Variants in FRMPD2 observed in about 807,000 individuals in gnomAD.
FRMPD2 encodes the protein FERM and PDZ domain containing 2.
A neutral mutation model predicts 140.1 loss-of-function variants in FRMPD2; 96 were observed. The observed-to-expected ratio is 0.69, with a 90% CI of 0.58 to 0.81. The LOEUF is 0.81. FRMPD2 is among the 40% of genes least tolerant of loss of function. The pLI, the probability that FRMPD2 is intolerant of heterozygous loss-of-function variation, is 0.00. For synonymous variants in FRMPD2, 449 were observed against 547.6 expected (o/e 0.82, Z 2.52); for missense variants, 1,240 against 1,447.4 (o/e 0.86, Z 2.32).
At chr10:48,234,715 C>T (rs1182513199) in intron 9 of FRMPD2, among the ~76,000 whole-genome samples, 1 of 152,044 alleles carries the variant, frequency 6.6e-6, no homozygotes, top group Non-Finnish European at 1.5e-5. Context: ...ACCCTCATAC[C>T]CTTCTTGCAT....
At chr10:48,245,861 A>G (rs1355039813) in intron 3 of FRMPD2, among the ~76,000 whole-genome samples, 1 of 152,244 alleles carries the variant, frequency 6.6e-6, no homozygotes, top group Non-Finnish European at 1.5e-5. Flanking sequence ...GGAAACAATG[A>G]GGTAATGAAA....
chr10:48,263,301 A>G (rs1840625933), intron 1 of FRMPD2, among the ~76,000 whole-genome samples: 1 of 152,216 alleles, frequency 6.6e-6, no homozygotes, highest in African/African-American at 2.4e-5. Context: ...AAGAAAGCAA[A>G]TAATAACAAA....
chr10:48,231,339 T>G (rs867302619), intron 10 of FRMPD2, among the ~76,000 whole-genome samples: 11 of 152,184 alleles, frequency 7.2e-5, no homozygotes, highest in African/African-American at 2.4e-4. Flanking sequence ...CACAGCTTGC[T>G]ACATGAGTCA....
At chr10:48,202,083 T>C (rs963681731) in intron 14 of FRMPD2, among the ~76,000 whole-genome samples, 2 of 152,112 alleles carry the variant, frequency 1.3e-5, no homozygotes, top group Non-Finnish European at 2.9e-5. Flanking sequence ...AGATGACCTA[T>C]ATGAGGCTAC....
intron 1 of FRMPD2, among the ~76,000 whole-genome samples, chr10:48,262,845 G>T (rs1383578845): frequency 6.6e-6 from 1 of 152,010 alleles, no homozygotes; most frequent in Non-Finnish European, 1.5e-5. Context: ...TGCAATCTTG[G>T]CTCACTAGTA....
chr10:48,224,235 C>T (rs368084296), intron 10 of FRMPD2, among the ~76,000 whole-genome samples: 10 of 152,126 alleles, frequency 6.6e-5, no homozygotes, highest in African/African-American at 1.9e-4. Flanking sequence ...AAAGCTCAAC[C>T]CCTCCAGTGC....
chr10:48,193,828 T>C (rs1838894657), intron 15 of FRMPD2, among the ~76,000 whole-genome samples: 1 of 152,180 alleles, frequency 6.6e-6, no homozygotes, highest in Admixed American at 6.5e-5. Context: ...TGGGCATATA[T>C]TTCTTCAAAC....
intron 1 of FRMPD2, among the ~76,000 whole-genome samples, chr10:48,262,344 A>G (rs1362444087): frequency 2.6e-5 from 4 of 152,236 alleles, no homozygotes; most frequent in Admixed American, 1.3e-4. Flanking sequence ...TGGAGTAACC[A>G]TCTTAACTTC....
intron 22 of FRMPD2, 196 bp from the exon 23 acceptor site, chr10:48,176,135 C>G (rs1384480231): frequency 1.8e-6 from 1 of 556,558 alleles, no homozygotes; most frequent in African/African-American, 1.9e-5. Context: ...TGTTCATAAG[C>G]TTAACAATAG....
At chr10:48,232,525 C>T (rs1168488994) in intron 9 of FRMPD2, among the ~76,000 whole-genome samples, 2 of 152,180 alleles carry the variant, frequency 1.3e-5, no homozygotes, top group Non-Finnish European at 2.9e-5. Flanking sequence ...AAATCTGAGC[C>T]TTCTGCCAGG....
chr10:48,271,533 C>T lies in FRMPD2; in HGVS notation c.25+3010G>A, dbSNP rs142849292. Among the ~76,000 whole-genome samples, 99 of 152,318 alleles carry T rather than the reference C, an allele frequency of 6.5e-4. No homozygotes were observed. The East Asian group carries it at 0.017, about 26-fold the overall frequency. On this transcript the variant is annotated intron_variant, in intron 1 of 28. Transcript: ENST00000374201. Reference sequence around the variant, plus strand: ...ACTGGTTCCTGTGCACCATCCTACACATCTCCTTCCTGCCTCCCTTCACTA... The same window carrying T: ...ACTGGTTCCTGTGCACCATCCTACATATCTCCTTCCTGCCTCCCTTCACTA...
At chr10:48,197,396 A>G (rs367891539) in intron 15 of FRMPD2, among the ~76,000 whole-genome samples, 1 of 152,172 alleles carries the variant, frequency 6.6e-6, no homozygotes, top group African/African-American at 2.4e-5. Context: ...GTGTGCTCCA[A>G]TGAGGACACT....
chr10:48,200,343 G>C (rs746169146), intron 15 of FRMPD2, among the ~76,000 whole-genome samples: 13 of 152,050 alleles, frequency 8.5e-5, no homozygotes, highest in Non-Finnish European at 1.6e-4. Flanking sequence ...TCGAATCAGG[G>C]CTCAGCTGTA....
chr10:48,248,595 A>T (rs1840306087), intron 3 of FRMPD2: 1 of 153,034 alleles, frequency 6.5e-6, no homozygotes, highest in African/African-American at 2.4e-5. Context: ...GCAATACAAC[A>T]ATCAGCATTG....
At chr10:48,237,508 T>C (rs1303636838) in intron 8 of FRMPD2, among the ~76,000 whole-genome samples, 1 of 152,118 alleles carries the variant, frequency 6.6e-6, no homozygotes, top group Non-Finnish European at 1.5e-5. Flanking sequence ...GGACCTTAAC[T>C]AACTTTGACA....
intron 2 of FRMPD2, 77 bp from the exon 3 acceptor site, chr10:48,249,255 G>A (rs1174155706): frequency 7.1e-7 from 1 of 1,414,684 alleles, no homozygotes; most frequent in Non-Finnish European, 9.7e-7. Context: ...TGCCCAGCAG[G>A]TGCCTGGCAG....
At chr10:48,248,212 G>A (rs1337698850) in intron 3 of FRMPD2, among the ~76,000 whole-genome samples, 1 of 152,174 alleles carries the variant, frequency 6.6e-6, no homozygotes, top group Non-Finnish European at 1.5e-5. Flanking sequence ...GCCCCATCCA[G>A]TGTTGTGTGG....
intron 1 of FRMPD2, among the ~76,000 whole-genome samples, chr10:48,265,067 A>T (rs1293333439): frequency 1.3e-5 from 2 of 152,232 alleles, no homozygotes; most frequent in African/African-American, 2.4e-5. Context: ...CCACACACCT[A>T]CAACTATCTG....
intron 12 of FRMPD2, 120 bp downstream of exon 12, chr10:48,222,193 A>G (rs777882004): frequency 5.7e-5 from 55 of 970,478 alleles, no homozygotes; most frequent in Non-Finnish European, 8.2e-5. Context: ...GTTTACTCCA[A>G]TCTAGCTGGT....
Sources: allele counts gnomAD v4.1 joint callset (sites outside exome capture counted in the v4.1 genomes callset), GRCh38; gene constraint gnomAD v4.1.1; transcripts MANE v1.5; gene names NCBI Gene and HGNC (gene_info 2026-07-23, HGNC 2026-07-21).